Variants in MIA2 observed in about 807,000 individuals in gnomAD.
The protein encoded by MIA2 is MIA SH3 domain ER export factor 2, also known as melanoma inhibitory activity protein 2.
Under a neutral mutation model 167.8 loss-of-function variants are expected in MIA2, and 127 were observed. The observed-to-expected ratio is 0.76, with a 90% CI of 0.66 to 0.88. The LOEUF (loss-of-function observed/expected upper bound fraction) is 0.88, where lower values mean the gene tolerates loss of function less well. Ranked by LOEUF, MIA2 falls within the 40% of genes least tolerant of loss-of-function variation. The pLI, the probability that MIA2 is intolerant of heterozygous loss-of-function variation, is 0.00. For missense variants in MIA2, 1,690 were observed against 1,624.7 expected (o/e 1.04, Z -0.69); for synonymous variants, 552 against 541.9 (o/e 1.02, Z -0.26).
intron 7 of MIA2, among the ~76,000 whole-genome samples, chr14:39,278,552 G>A (rs2058490956): frequency 6.6e-6 from 1 of 152,164 alleles, no homozygotes; most frequent in Non-Finnish European, 1.5e-5. Context: ...CCCTAAGGCT[G>A]ATCCTTTTAC....
chr14:39,270,832 T>TA (rs1182718489), intron 6 of MIA2, among the ~76,000 whole-genome samples: 1 of 152,254 alleles, frequency 6.6e-6, no homozygotes, highest in African/African-American at 2.4e-5. Flanking sequence ...ATTGTTGAGT[T>TA]ATAAGCATTC....
At chr14:39,371,561 A>G (rs1177705397) in intron 23 of MIA2, among the ~76,000 whole-genome samples, 2 of 152,228 alleles carry the variant, frequency 1.3e-5, no homozygotes, top group Non-Finnish European at 2.9e-5. Flanking sequence ...TCAAATTAGC[A>G]GCTACTTTTA....
chr14:39,346,002 A>C lies in MIA2; in HGVS notation c.3754A>C (p.Asn1252His). Residue 1252 changes from asparagine to histidine, a missense_variant, in exon 26 of 29, where the codon AAT (asparagine) becomes CAT (histidine). Asn to His is a moderately conservative substitution (Grantham distance 68). Coordinates refer to ENST00000640607, the MANE Select transcript of MIA2 (RefSeq NM_001329214.4). ...LSGPAELRSFNMPSLDKMDGS... is the reference protein window; with the variant it reads ...LSGPAELRSFHMPSLDKMDGS... ...TGGACCAGCAGAACTCAGAAGTTTT[A>C]ATATGCCTTCTTTGGATAAAATGGG... 1 of 1,612,794 alleles carries C rather than the reference A, an allele frequency of 6.2e-7. No homozygotes were observed. Among genetic ancestry groups the C allele is most frequent in the Non-Finnish European group, 8.5e-7 (1 of 1,178,998 alleles).
At chr14:39,335,388 A>AC (rs1460846823) in intron 25 of MIA2, among the ~76,000 whole-genome samples, 1 of 152,164 alleles carries the variant, frequency 6.6e-6, no homozygotes, top group African/African-American at 2.4e-5. Flanking sequence ...ACATGTTTCT[A>AC]CTTGGAAGAA....
intron 9 of MIA2, among the ~76,000 whole-genome samples, chr14:39,286,969 G>A (rs1230177607): frequency 1.3e-5 from 2 of 151,956 alleles, no homozygotes; most frequent in African/African-American, 4.8e-5. Flanking sequence ...CAAGTGATCT[G>A]CCCACCTTGG....
At chr14:39,373,967 C>G (rs2074999912) in intron 23 of MIA2, among the ~76,000 whole-genome samples, 1 of 152,176 alleles carries the variant, frequency 6.6e-6, no homozygotes, top group Non-Finnish European at 1.5e-5. Flanking sequence ...TCTCTCCCAG[C>G]CTGGGCAACA....
Position 39,247,121 on chromosome 14 carries a change from G to T in MIA2, c.547G>T (p.Ala183Ser), listed in dbSNP as rs1417415923. The change falls in exon 4 of 29, where the codon GCT becomes TCT. Residue 183 changes from alanine to serine, a missense_variant. Physicochemically the swap from Ala to Ser is moderately conservative, Grantham distance 99. Coordinates refer to ENST00000640607, the MANE Select transcript of MIA2 (RefSeq NM_001329214.4). ...TGAAGACCAAGTTCCAGCATTAGAG[G>T]CTCCTGAAGATATCGGAAGTACCAG... ...LFEDQVPALE[A>S]PEDIGSTSES... The T allele has an allele frequency of 5.0e-6, 8 of 1,611,786 alleles. No homozygotes were observed. Among genetic ancestry groups the T allele is most frequent in the Admixed American group, 1.7e-5 (1 of 59,404 alleles).
chr14:39,264,900 C>G (rs894136227), intron 6 of MIA2, among the ~76,000 whole-genome samples: 3 of 152,200 alleles, frequency 2.0e-5, no homozygotes, highest in African/African-American at 7.2e-5. Flanking sequence ...CAAACACTAA[C>G]AGCATTTGTT....
chr14:39,299,680 G>T (rs1226234130), intron 13 of MIA2, among the ~76,000 whole-genome samples, 184 bp from the exon 14 acceptor site: 1 of 152,036 alleles, frequency 6.6e-6, no homozygotes, highest in Non-Finnish European at 1.5e-5. Context: ...ACCTTTATTT[G>T]ATATAAATAT....
chr14:39,312,513 T>C (rs897151732), intron 18 of MIA2, among the ~76,000 whole-genome samples: 9 of 152,240 alleles, frequency 5.9e-5, no homozygotes, highest in African/African-American at 1.4e-4. Flanking sequence ...AGGGAAGATA[T>C]CCATTTAGGA....
intron 4 of MIA2, among the ~76,000 whole-genome samples, chr14:39,250,632 G>T (rs895349150): frequency 3.3e-5 from 5 of 151,386 alleles, no homozygotes; most frequent in African/African-American, 1.2e-4. Context: ...GGAGGCGGAG[G>T]TTGCAGCGAG....
chr14:39,285,518 G>A (rs1293651627), intron 9 of MIA2, among the ~76,000 whole-genome samples: 4 of 149,052 alleles, frequency 2.7e-5, no homozygotes, highest in African/African-American at 9.8e-5. Context: ...GCCGGGCGGG[G>A]GCTGACCCCC....
chr14:39,368,228 C>T (rs1214647505), intron 23 of MIA2, among the ~76,000 whole-genome samples: 3 of 152,030 alleles, frequency 2.0e-5, no homozygotes, highest in East Asian at 3.9e-4. Context: ...TTGGAGAGGA[C>T]CTTCAGACAG....
chr14:39,316,606 G>A (rs1022319847), intron 21 of MIA2, among the ~76,000 whole-genome samples: 6 of 152,160 alleles, frequency 3.9e-5, no homozygotes, highest in African/African-American at 1.4e-4. Flanking sequence ...ATGTTGGAGT[G>A]GAGATTCCAG....
intron 23 of MIA2, among the ~76,000 whole-genome samples, chr14:39,380,592 C>A (rs1312117253): frequency 6.7e-6 from 1 of 149,864 alleles, no homozygotes; most frequent in African/African-American, 2.5e-5. Context: ...ACTAGGGAGG[C>A]TGAGGCAGGA....
Position 39,326,881 on chromosome 14 carries a change from A to T in MIA2, c.3514A>T (p.Asn1172Tyr). The T allele has an allele frequency of 1.3e-6, 2 of 1,576,746 alleles. No homozygotes were observed. The highest frequency in any genetic ancestry group is 1.7e-6 in the Non-Finnish European group (2 of 1,165,938). Residue 1172 changes from asparagine (N) to tyrosine (Y), a missense_variant, in exon 25 of 29, where the codon AAT becomes TAT. Physicochemically the swap from Asn to Tyr is moderately radical, Grantham distance 143. Coordinates refer to ENST00000640607, the MANE Select transcript of MIA2 (RefSeq NM_001329214.4). ...TTAATTAGGCTCACGAGGCCCAGGGAATCCTCTGGACCATCAGATTACCAA... is the reference window on the plus strand; with the variant it reads ...TTAATTAGGCTCACGAGGCCCAGGGTATCCTCTGGACCATCAGATTACCAA... ...GGGRGSRGPG[N>Y]PLDHQITNER... is the part of the protein sequence containing the mutation.
Position 39,234,002 on chromosome 14 carries a change from T to C in MIA2, c.-113T>C, listed in dbSNP as rs943854375. 7.4e-6 allele frequency: 4 copies of C among 537,614 alleles called. No individual in the cohort carries two copies. The highest frequency in any genetic ancestry group is 2.0e-5 in the African/African-American group (1 of 50,286). The allele number at this position is 537,614 out of a possible 1,614,324, so 33.3% of individuals were successfully genotyped here. On this transcript the variant is annotated 5_prime_UTR_variant, in exon 1 of 29. Transcript: ENST00000640607. ...AAGAGATTTTTAAAACTTCAACCCT[T>C]TTTCTCTTATAGTTAGTGAAGAGAG...
downstream of MIA2, among the ~76,000 whole-genome samples, chr14:39,355,258 G>T (rs2074491471): frequency 6.6e-6 from 1 of 152,128 alleles, no homozygotes; most frequent in South Asian, 2.1e-4. Flanking sequence ...AGTTCTTCTT[G>T]AACAGGTTCT....
chr14:39,315,138 A>T (rs2065154912), intron 20 of MIA2: 6 of 172,744 alleles, frequency 3.5e-5, no homozygotes, highest in Admixed American at 1.3e-4. Flanking sequence ...AAAAAAAAAA[A>T]AAAAAAAATA....
Sources: gnomAD v4.1 joint callset for allele counts (sites outside exome capture counted in the v4.1 genomes callset) on GRCh38, gnomAD v4.1.1 for gene constraint, MANE v1.5 for transcripts, NCBI Gene and HGNC (gene_info 2026-07-23, HGNC 2026-07-21) for gene names.